The following RPTOR variants were observed in gnomAD, a reference collection of about 807,000 sequenced individuals.
RPTOR encodes regulatory-associated protein of mTOR.
RPTOR carries 21 observed loss-of-function variants against 169.9 expected under a neutral mutation model. The observed-to-expected ratio is 0.12, with a 90% CI of 0.09 to 0.18. The LOEUF (loss-of-function observed/expected upper bound fraction) is 0.18. Ranked by LOEUF, RPTOR falls within the 10% of genes least tolerant of loss-of-function variation. The pLI, the probability that RPTOR is intolerant of heterozygous loss-of-function variation, is 1.00. For synonymous variants in RPTOR, 732 were observed against 753.2 expected, an observed-to-expected ratio of 0.97 and a Z score of 0.46; for missense variants, 1,133 against 1,855.9, an observed-to-expected ratio of 0.61 and a Z score of 7.16.
intron 1 of RPTOR, among the ~76,000 whole-genome samples, chr17:80,549,672 G>A (rs1165122287): frequency 5.9e-5 from 9 of 152,230 alleles, no homozygotes; most frequent in Non-Finnish European, 1.3e-4. Flanking sequence ...GTGGACAGTG[G>A]GGATAACTGG....
At chr17:80,697,831 G>T (rs1279997990) in intron 3 of RPTOR, among the ~76,000 whole-genome samples, 1 of 152,192 alleles carries the variant, frequency 6.6e-6, no homozygotes, top group Admixed American at 6.5e-5. Flanking sequence ...TGACAGAATG[G>T]GGGGACTTGG....
chr17:80,654,147 C>T (rs899976785), intron 3 of RPTOR, among the ~76,000 whole-genome samples: 2 of 152,170 alleles, frequency 1.3e-5, no homozygotes, highest in Non-Finnish European at 2.9e-5. Flanking sequence ...GATCCAGTGC[C>T]GGGTGATGGT....
At chr17:80,617,422 G>A (rs1478032398) in intron 1 of RPTOR, among the ~76,000 whole-genome samples, 1 of 152,180 alleles carries the variant, frequency 6.6e-6, no homozygotes, top group Non-Finnish European at 1.5e-5. Context: ...CTGAAAGTAT[G>A]TTTTTGTAAA....
chr17:80,964,202 C>G lies in RPTOR; in HGVS notation c.3940-60C>G, dbSNP rs555302572. On this transcript the variant is annotated intron_variant, in intron 33 of 33. Coordinates refer to ENST00000306801, the MANE Select transcript of RPTOR (RefSeq NM_020761.3). ...GGATGCGGGTTGGCCTGCGCCCCCC[C>G]GCCCCCCGCAGTGTCTGCCCGCACC... is the stretch of plus-strand genomic sequence containing the variant. 4 of 1,224,850 alleles carry G rather than the reference C, an allele frequency of 3.3e-6. 1 individual carries two copies. Among genetic ancestry groups the G allele is most frequent in the Non-Finnish European group, 3.6e-6 (3 of 841,690 alleles). The allele number at this position is 1,224,850 out of a possible 1,614,324, so 75.9% of individuals were successfully genotyped here.
At position 80,726,795 on chromosome 17, in the gene RPTOR, G is replaced by T. The variant is rs1037181223; in HGVS notation, c.508-3765G>T. Among the ~76,000 whole-genome samples, 2 of 152,244 alleles carry T rather than the reference G, an allele frequency of 1.3e-5. No individual in the cohort carries two copies. Among genetic ancestry groups the T allele is most frequent in the African/African-American group, 4.8e-5 (2 of 41,538 alleles). ...AATAAATAGCACGCAGTGTTCTGGG[G>T]GTAAAAAGATACACCCATGTCCCAG... On this transcript the variant is annotated intron_variant, in intron 4 of 33. Coordinates refer to ENST00000306801, the MANE Select transcript of RPTOR (RefSeq NM_020761.3). This position sits in a 1 kb window ranked among gnomAD's most constrained non-coding sequence, Gnocchi z 4.5.
chr17:80,653,368 C>A (rs955538856), intron 3 of RPTOR, among the ~76,000 whole-genome samples: 4 of 152,092 alleles, frequency 2.6e-5, no homozygotes, highest in African/African-American at 4.8e-5. Context: ...CATAGTGAGA[C>A]CTTGTCTCTA....
At chr17:80,674,885 C>A (rs1217160693) in intron 3 of RPTOR, among the ~76,000 whole-genome samples, 1 of 150,960 alleles carries the variant, frequency 6.6e-6, no homozygotes, top group African/African-American at 2.4e-5. Flanking sequence ...CAATACCACC[C>A]ATCTTGGGAT....
chr17:80,842,033 TCTCACCACACGGCAG>T (rs1018834639), intron 10 of RPTOR, among the ~76,000 whole-genome samples: 1 of 149,696 alleles, frequency 6.7e-6, no homozygotes, highest in Admixed American at 6.7e-5. Context: ...GGCAGCTCAC[TCTCACCACACGGCAG>T]CTCACACTCA....
chr17:80,882,478 G>A (rs1193235422), intron 14 of RPTOR, among the ~76,000 whole-genome samples: 1 of 152,262 alleles, frequency 6.6e-6, no homozygotes, highest in Non-Finnish European at 1.5e-5. Flanking sequence ...ATCAGCAGCG[G>A]CTCTCGGCCG....
intron 11 of RPTOR, among the ~76,000 whole-genome samples, chr17:80,851,148 C>T (rs1443153672): frequency 6.6e-6 from 1 of 152,092 alleles, no homozygotes; most frequent in African/African-American, 2.4e-5. Context: ...AGGCTGGTCT[C>T]GACCTCCTGG....
intron 4 of RPTOR, among the ~76,000 whole-genome samples, chr17:80,729,655 A>G (rs2066372610): frequency 6.6e-6 from 1 of 152,238 alleles, no homozygotes; most frequent in Admixed American, 6.5e-5. Flanking sequence ...CTCAATGACA[A>G]AGTGCTTATG....
At chr17:80,771,694 G>T (rs1236368050) in intron 6 of RPTOR, among the ~76,000 whole-genome samples, 1 of 144,092 alleles carries the variant, frequency 6.9e-6, no homozygotes, top group South Asian at 2.5e-4. Context: ...CCTCCATTCA[G>T]ACTTGGGTGG....
intron 15 of RPTOR, 112 bp from the exon 16 acceptor site, chr17:80,883,669 G>T: frequency 7.7e-7 from 1 of 1,302,266 alleles, no homozygotes. Flanking sequence ...GGAAAATTGA[G>T]CAAATCAAGG....
At chr17:80,764,078 C>T (rs2066761245) in intron 6 of RPTOR, among the ~76,000 whole-genome samples, 1 of 151,930 alleles carries the variant, frequency 6.6e-6, no homozygotes, top group Non-Finnish European at 1.5e-5. Flanking sequence ...CCTAAAATCT[C>T]TTTAACTAAC....
chr17:80,854,652 G>A (rs1278302722), intron 11 of RPTOR, among the ~76,000 whole-genome samples: 3 of 152,246 alleles, frequency 2.0e-5, no homozygotes, highest in East Asian at 1.9e-4. Context: ...CCTACACTTC[G>A]GGAGGCTGAA....
At chr17:80,901,402 A>G (rs2068474829) in intron 20 of RPTOR, among the ~76,000 whole-genome samples, 1 of 151,530 alleles carries the variant, frequency 6.6e-6, no homozygotes, top group Non-Finnish European at 1.5e-5. Flanking sequence ...ACTGGAGAAA[A>G]CTGAGTTTTA....
chr17:80,742,522 A>T (rs946556251), intron 5 of RPTOR, among the ~76,000 whole-genome samples: 3 of 151,968 alleles, frequency 2.0e-5, no homozygotes, highest in African/African-American at 7.3e-5. Context: ...TAGACAACAC[A>T]TGCACACATG....
chr17:80,634,665 G>GCA, intron 2 of RPTOR, among the ~76,000 whole-genome samples: 3 of 122,830 alleles, frequency 2.4e-5, no homozygotes, highest in African/African-American at 9.2e-5. Flanking sequence ...CGTACTGTGT[G>GCA]TGTGCGTACT....
chr17:80,697,451 C>A (rs548243190), intron 3 of RPTOR, among the ~76,000 whole-genome samples: 2 of 152,226 alleles, frequency 1.3e-5, no homozygotes, highest in African/African-American at 4.8e-5. Flanking sequence ...TCACCAGGGA[C>A]CTGCCCCTGT....
Sources: gnomAD v4.1 joint callset for allele counts (sites outside exome capture counted in the v4.1 genomes callset) on GRCh38, gnomAD v4.1.1 for gene constraint, Gnocchi (gnomAD v3.1) non-coding constraint, MANE v1.5 for transcripts, NCBI Gene and HGNC (gene_info 2026-07-23, HGNC 2026-07-21) for gene names.